AHRR: variants seen among roughly 807,000 people sequenced by gnomAD.
AHRR encodes ahR repressor.
A neutral mutation model predicts 44.0 loss-of-function variants in AHRR; 28 were observed. The observed-to-expected ratio is 0.64, with a 90% CI of 0.47 to 0.87. AHRR has a LOEUF of 0.87. Ranked by LOEUF, AHRR falls within the 40% of genes least tolerant of loss-of-function variation. The pLI is 0.00. For missense variants in AHRR, 990 were observed against 953.9 expected, an observed-to-expected ratio of 1.04 and a Z score of -0.50; for synonymous variants, 434 against 407.0, an observed-to-expected ratio of 1.07 and a Z score of -0.80.
At chr5:340,681 TA>T (rs1560881526) in intron 1 of AHRR, among the ~76,000 whole-genome samples, 5 of 32,184 alleles carry the variant, frequency 1.6e-4, no homozygotes, top group East Asian at 1.2e-3. Flanking sequence ...TATATATATA[TA>T]TATATATTTT....
At position 370,752 on chromosome 5, in the gene AHRR, A is replaced by G. The variant is rs2126427826; in HGVS notation, c.245-5858A>G. The stretch of plus-strand genomic sequence containing the variant: ...GGGTGGAGGGGGGCAGCCCATGGGA[A>G]GGTGCAGGTGTTGGTGGGGGGAGGG... On this transcript the variant is annotated intron_variant, in intron 3 of 10. Transcript: ENST00000684583. The surrounding 1 kb of genome is among the most constrained non-coding windows in gnomAD (Gnocchi z 4.5). 2.6e-5 allele frequency among the ~76,000 whole-genome samples: 1 copy of G among 38,498 alleles called. No individual in the cohort carries two copies. Among genetic ancestry groups the G allele is most frequent in the South Asian group, 7.6e-4 (1 of 1,320 alleles). 25.3% of individuals were successfully genotyped at this position (38,498 alleles called of 152,430 possible).
chr5:425,843 C>T (rs1736363812), intron 7 of AHRR, among the ~76,000 whole-genome samples: 1 of 152,246 alleles, frequency 6.6e-6, no homozygotes, highest in South Asian at 2.1e-4. Flanking sequence ...TAAAGGGCTC[C>T]TGTATTGACA....
chr5:394,028 T>C (rs1480480338), intron 4 of AHRR, among the ~76,000 whole-genome samples: 1 of 152,252 alleles, frequency 6.6e-6, no homozygotes, highest in Non-Finnish European at 1.5e-5. Context: ...CTGGACATTC[T>C]GTGTCTGTCG....
intron 1 of AHRR, 196 bp from the exon 2 acceptor site, chr5:343,697 G>A (rs1560883451): frequency 9.2e-6 from 5 of 542,106 alleles, no homozygotes; most frequent in Non-Finnish European, 1.3e-5. Flanking sequence ...ACCCGGCCCC[G>A]GTGGCTCCTC....
In AHRR at chr5:431,612, C is replaced by T. The variant is rs545105570; in HGVS notation, c.909-851C>T. Among the ~76,000 whole-genome samples, 6 of 152,082 alleles carry T rather than the reference C, an allele frequency of 3.9e-5. No homozygotes were observed. In the South Asian group the frequency reaches 1.2e-3, roughly 32 times the overall value. On this transcript the variant is annotated intron_variant, in intron 8 of 10. Transcript: ENST00000684583. ...CTCCAGCGGCCCCCAACAGCAGCCC[C>T]CATGGCCCCCAGCAGCGGCCCCTAG...
At position 432,905 on chromosome 5, in the gene AHRR, G is replaced by A. The variant is rs545599373; in HGVS notation, c.1070G>A (p.Arg357Gln). The part of the protein sequence containing the change: ...VPARAPCLCL[R>Q]GGPDLVLDPK... ...GCCAGGGCCCCATGCCTGTGCCTCC[G>A]GGGTGGCCCTGACCTTGTCCTTGAC... The change falls in exon 10 of 11, where the codon CGG becomes CAG. Residue 357 changes from arginine (R) to glutamine (Q), a missense_variant. Arg to Gln is a conservative substitution (Grantham distance 43). Coordinates refer to ENST00000684583, the MANE Select transcript of AHRR (RefSeq NM_001377236.1). 424 of 1,613,336 alleles carry A rather than the reference G, an allele frequency of 2.6e-4. 3 individuals carry two copies. Among genetic ancestry groups the A allele is most frequent in the South Asian group, 2.4e-3 (219 of 91,054 alleles).
At chr5:354,979 G>A (rs1008943962) in intron 3 of AHRR, among the ~76,000 whole-genome samples, 1 of 152,244 alleles carries the variant, frequency 6.6e-6, no homozygotes, top group Admixed American at 6.5e-5. Flanking sequence ...TCTTCCCCGG[G>A]TCCCGGCTGG....
At chr5:343,797 G>A in intron 1 of AHRR, 96 bp from the exon 2 acceptor site, 2 of 1,306,050 alleles carry the variant, frequency 1.5e-6, no homozygotes, top group Non-Finnish European at 2.1e-6. Context: ...CGCGGGTGTG[G>A]GGGCGCCAGG....
chr5:410,155 A>C lies in AHRR; in HGVS notation c.352-3189A>C, dbSNP rs770746176. ...TCCACAATTTCGTTCTTTTTTAACA[A>C]GATTTCTTTAGCAAGGCTAGGTCTT... On this transcript the variant is annotated intron_variant, in intron 4 of 10. Transcript: ENST00000684583. 2.6e-5 allele frequency among the ~76,000 whole-genome samples: 4 copies of C among 152,316 alleles called. No homozygotes were observed. In the South Asian group the frequency reaches 8.3e-4, roughly 32 times the overall value.
chr5:341,659 T>C (rs55793539), intron 1 of AHRR, among the ~76,000 whole-genome samples: 14,865 of 152,002 alleles, frequency 0.098, 2,349 homozygotes, highest in African/African-American at 0.33. Context: ...GTAGCTGGGA[T>C]TATAGGCATG....
At chr5:329,080 A>C (rs1027451762) in intron 1 of AHRR, among the ~76,000 whole-genome samples, 1 of 152,234 alleles carries the variant, frequency 6.6e-6, no homozygotes, top group Non-Finnish European at 1.5e-5. Context: ...GTGAATTCTC[A>C]TAAGATCTGA....
chr5:367,894 T>C (rs1269552540), intron 3 of AHRR: 2 of 702,526 alleles, frequency 2.8e-6, no homozygotes, highest in Non-Finnish European at 5.2e-6. Flanking sequence ...GCCCCGAGCA[T>C]TGGACACCCA....
chr5:378,499 G>C (rs528968787), intron 4 of AHRR, among the ~76,000 whole-genome samples: 1 of 152,336 alleles, frequency 6.6e-6, no homozygotes, highest in South Asian at 2.1e-4. Flanking sequence ...GTGTAGTCTG[G>C]ACCTGGTGTT....
rs1742170463 is a variant in AHRR, at chr5:337,202, C to CATTAAA, written c.-10-6691_-10-6690insATTAAA. Among the ~76,000 whole-genome samples the CATTAAA allele has an allele frequency of 6.6e-6, 1 of 152,100 alleles. No homozygotes were observed. Among genetic ancestry groups the CATTAAA allele is most frequent in the Admixed American group, 6.5e-5 (1 of 15,272 alleles). ...ATAGGTAATCAACTATCAATATTGG[C>CATTAAA]TGATCCAGTTTCATTTAAAGTCCAG... is the stretch of plus-strand genomic sequence containing the variant. On this transcript the variant is annotated intron_variant, in intron 1 of 10. Transcript: ENST00000684583. This position sits in a 1 kb window ranked among gnomAD's most constrained non-coding sequence, Gnocchi z 4.1.
intron 2 of AHRR, among the ~76,000 whole-genome samples, chr5:351,180 T>C (rs1018389410): frequency 3.9e-5 from 6 of 152,170 alleles, no homozygotes; most frequent in African/African-American, 1.4e-4. Flanking sequence ...GCAGCCACCA[T>C]GGAAAGCAGT....
rs1467078013 is a variant in AHRR at position 432,854 on chromosome 5, A to G, written c.1019A>G (p.Asp340Gly). The G allele has an allele frequency of 6.2e-7, 1 of 1,613,600 alleles. No individual in the cohort carries two copies. The highest frequency in any genetic ancestry group is 8.5e-7 in the Non-Finnish European group (1 of 1,180,014). Residue 340 changes from aspartate to glycine, a missense_variant, in exon 10 of 11, where the codon GAC becomes GGC. Asp to Gly is a moderately conservative substitution (Grantham distance 94). Coordinates refer to ENST00000684583, the MANE Select transcript of AHRR (RefSeq NM_001377236.1). The stretch of plus-strand genomic sequence containing the variant: ...GTTTTGGTGCTCAGGGAACAGACTG[A>G]CGCTGGCCGATGGGCACAGGTTCCC... ...SGVLVLREQTDAGRWAQVPAR... is the reference protein window; with the variant it reads ...SGVLVLREQTGAGRWAQVPAR...
At chr5:428,198 T>C (rs1736558551) in intron 8 of AHRR, among the ~76,000 whole-genome samples, 192 bp downstream of exon 8, 2 of 152,254 alleles carry the variant, frequency 1.3e-5, no homozygotes, top group Admixed American at 1.3e-4. Flanking sequence ...AACTCGTATT[T>C]GCAAACTGGC....
intron 4 of AHRR, among the ~76,000 whole-genome samples, chr5:389,128 G>A (rs1009535268): frequency 1.3e-4 from 20 of 151,648 alleles, no homozygotes; most frequent in Non-Finnish European, 2.5e-4. Flanking sequence ...CATGAGCCAG[G>A]TGGCCATGCT....
intron 4 of AHRR, among the ~76,000 whole-genome samples, chr5:386,760 C>T (rs571705548): frequency 2.6e-5 from 4 of 152,158 alleles, no homozygotes; most frequent in Admixed American, 6.5e-5. Flanking sequence ...CTAACCCAGA[C>T]GTCATCCCGG....
Sources: gnomAD v4.1 joint callset for allele counts (sites outside exome capture counted in the v4.1 genomes callset) on GRCh38, gnomAD v4.1.1 for gene constraint, Gnocchi (gnomAD v3.1) non-coding constraint, MANE v1.5 for transcripts, NCBI Gene and HGNC (gene_info 2026-07-23, HGNC 2026-07-21) for gene names.